Variants in UBTD2 observed in about 807,000 individuals in gnomAD.
UBTD2 encodes ubiquitin domain-containing protein 2.
A neutral mutation model predicts 19.8 loss-of-function variants in UBTD2; 9 were observed. That is an observed-to-expected ratio of 0.46 (90% CI 0.27 to 0.79). UBTD2 has a LOEUF of 0.79. Among genes scored for constraint, UBTD2 ranks in the 30% least tolerant of loss-of-function variants. UBTD2 has a pLI of 0.14. For synonymous variants in UBTD2, 98 were observed against 103.9 expected (o/e 0.94, Z 0.35); for missense variants, 250 against 300.4 (o/e 0.83, Z 1.24).
At chr5:172,279,758 G>A (rs1581237367) in intron 1 of UBTD2, among the ~76,000 whole-genome samples, 1 of 152,162 alleles carries the variant, frequency 6.6e-6, no homozygotes, top group East Asian at 1.9e-4. Flanking sequence ...CTTAGCAAAT[G>A]TCATGGCTAA....
intron 1 of UBTD2, among the ~76,000 whole-genome samples, chr5:172,268,979 G>A (rs1411307553): frequency 1.3e-5 from 2 of 152,054 alleles, no homozygotes; most frequent in African/African-American, 4.8e-5. Context: ...GGTTACGTAG[G>A]AGAACAGCTT....
intron 1 of UBTD2, among the ~76,000 whole-genome samples, chr5:172,246,876 G>A (rs751398780): frequency 1.1e-4 from 15 of 141,132 alleles, no homozygotes; most frequent in East Asian, 2.2e-4. Context: ...CCATTCTCCC[G>A]TCTCAGCCTC....
At chr5:172,215,948 C>G (rs1033549437) in intron 2 of UBTD2, among the ~76,000 whole-genome samples, 5 of 152,018 alleles carry the variant, frequency 3.3e-5, no homozygotes, top group African/African-American at 1.2e-4. Context: ...GGTATCACCT[C>G]AGGTCAGGAG....
chr5:172,272,820 C>T (rs1370402628), intron 1 of UBTD2, among the ~76,000 whole-genome samples: 1 of 152,180 alleles, frequency 6.6e-6, no homozygotes, highest in Non-Finnish European at 1.5e-5. Flanking sequence ...GTCGCTCACG[C>T]CTGTAATCCC....
intron 1 of UBTD2, among the ~76,000 whole-genome samples, chr5:172,273,364 G>A (rs910045251): frequency 6.6e-6 from 1 of 152,128 alleles, no homozygotes; most frequent in Non-Finnish European, 1.5e-5. Flanking sequence ...GCCAAGGCGG[G>A]TGGATCACCT....
Position 172,209,731 on chromosome 5 carries a change from A to G in UBTD2, c.*2099T>C, listed in dbSNP as rs867256406. 1 of 152,182 alleles carries G rather than the reference A, an allele frequency of 6.6e-6. No individual in the cohort carries two copies. Among genetic ancestry groups the G allele is most frequent in the Non-Finnish European group, 1.5e-5 (1 of 67,992 alleles). The allele number at this position is 152,182 out of a possible 1,614,324, so 9.4% of individuals were successfully genotyped here. A position where few individuals can be genotyped will look rare whatever the true frequency, so the allele number is the denominator to read the frequency against. On this transcript the variant is annotated 3_prime_UTR_variant, in exon 3 of 3. Coordinates refer to ENST00000393792, the MANE Select transcript of UBTD2 (RefSeq NM_152277.3). ...ACACATCAAGTACTGGTCCAATCTT[A>G]TATCAATCTATTTACAATTAAACAG...
chr5:172,256,096 G>GA (rs1215105217), intron 1 of UBTD2, among the ~76,000 whole-genome samples: 10 of 151,508 alleles, frequency 6.6e-5, no homozygotes. Flanking sequence ...TCTCAAAAGA[G>GA]AAAAGAGAGA....
At position 172,283,026 on chromosome 5, in the gene UBTD2, T is replaced by C. The variant is rs1755750779; in HGVS notation, c.70+570A>G. The stretch of plus-strand genomic sequence containing the variant: ...GGGAAGACCGTTTCCCCACCCCTCC[T>C]TAATACAATGCCTGCGGCCACTGGA... On this transcript the variant is annotated intron_variant, in intron 1 of 2. Coordinates refer to ENST00000393792, the MANE Select transcript of UBTD2 (RefSeq NM_152277.3). The surrounding 1 kb of genome is among the most constrained non-coding windows in gnomAD (Gnocchi z 4.3). Among the ~76,000 whole-genome samples, 1 of 152,032 alleles carries C rather than the reference T, an allele frequency of 6.6e-6. No homozygotes were observed. Among genetic ancestry groups the C allele is most frequent in the Non-Finnish European group, 1.5e-5 (1 of 68,010 alleles).
intron 1 of UBTD2, among the ~76,000 whole-genome samples, chr5:172,269,427 G>C (rs577293991): frequency 1.3e-5 from 2 of 150,376 alleles, no homozygotes; most frequent in South Asian, 2.1e-4. Context: ...GGAGGCGGAG[G>C]TTGCAGTGAG....
intron 1 of UBTD2, among the ~76,000 whole-genome samples, chr5:172,275,529 C>T (rs1755590432): frequency 6.6e-6 from 1 of 152,158 alleles, no homozygotes; most frequent in Non-Finnish European, 1.5e-5. Flanking sequence ...ATACTAAGTA[C>T]CTACTTACTA....
rs368471432 is a variant in UBTD2, at chr5:172,254,215, T to G, written c.71-19857A>C. On this transcript the variant is annotated intron_variant, in intron 1 of 2. Coordinates refer to ENST00000393792, the MANE Select transcript of UBTD2 (RefSeq NM_152277.3). ...CCCGGGTTCAAGGGATTCTCCTGCCTCAGCCTCCCAAGTAGCTGGGATTAC... is the reference window on the plus strand; with the variant it reads ...CCCGGGTTCAAGGGATTCTCCTGCCGCAGCCTCCCAAGTAGCTGGGATTAC... Among the ~76,000 whole-genome samples the G allele has an allele frequency of 2.6e-5, 4 of 152,280 alleles. No homozygotes were observed. In the East Asian group the frequency reaches 7.7e-4, roughly 29 times the overall value.
rs11949265 is a variant in UBTD2, at chr5:172,262,468, A to C, written c.70+21128T>G. On this transcript the variant is annotated intron_variant, in intron 1 of 2. Transcript: ENST00000393792. The stretch of plus-strand genomic sequence containing the variant: ...CACCAAAAAAAAAAAAAAAAAAAAA[A>C]CAAGAAAATGTATATGAAGATTCTT... 1.7e-4 allele frequency among the ~76,000 whole-genome samples: 25 copies of C among 143,186 alleles called. No homozygotes were observed. The South Asian group carries it at 5.0e-3, about 29-fold the overall frequency. The allele number at this position is 143,186 out of a possible 152,430, so 93.9% of individuals were successfully genotyped here. A position where few individuals can be genotyped will look rare whatever the true frequency, so the allele number is the denominator to read the frequency against.
intron 2 of UBTD2, among the ~76,000 whole-genome samples, chr5:172,227,550 T>C (rs901400551): frequency 2.0e-5 from 3 of 152,064 alleles, no homozygotes; most frequent in Non-Finnish European, 4.4e-5. Context: ...ACAAATTTTT[T>C]TTTTTTGTAT....
Position 172,223,586 on chromosome 5 carries a change from C to CAAAAAAAAAA in UBTD2, c.307+10526_307+10535dup, listed in dbSNP as rs577474758. 4.8e-4 allele frequency among the ~76,000 whole-genome samples: 16 copies of CAAAAAAAAAA among 33,128 alleles called. 2 individuals carry two copies. The highest frequency in any genetic ancestry group is 2.0e-3 in the African/African-American group (15 of 7,662). The allele number at this position is 33,128 out of a possible 152,430, so 21.7% of individuals were successfully genotyped here. A position where few individuals can be genotyped will look rare whatever the true frequency, so the allele number is the denominator to read the frequency against. On this transcript the variant is annotated intron_variant, in intron 2 of 2. Coordinates refer to ENST00000393792, the MANE Select transcript of UBTD2 (RefSeq NM_152277.3). ...TGCACTCCAGCCTGGGCGACGGAGT[C>CAAAAAAAAAA]AAAAAAAAAAAAAAAAAAAAAAAAA... is the stretch of plus-strand genomic sequence containing the variant.
chr5:172,277,835 TAA>T (rs1755637247), intron 1 of UBTD2, among the ~76,000 whole-genome samples: 1 of 111,668 alleles, frequency 9.0e-6, no homozygotes, highest in Non-Finnish European at 1.9e-5. Flanking sequence ...CCAGAATATA[TAA>T]AACTCTTACC....
intron 1 of UBTD2, among the ~76,000 whole-genome samples, chr5:172,234,850 GTGAGCCA>G: frequency 6.9e-6 from 1 of 144,474 alleles, no homozygotes; most frequent in Non-Finnish European, 1.5e-5. Flanking sequence ...TGTGTTTGCA[GTGAGCCA>G]TGATCATGCC....
chr5:172,264,784 G>A (rs1415803991), intron 1 of UBTD2, among the ~76,000 whole-genome samples: 1 of 151,984 alleles, frequency 6.6e-6, no homozygotes, highest in Non-Finnish European at 1.5e-5. Flanking sequence ...GCTGAGGTGA[G>A]AAGATGGCTT....
chr5:172,251,367 G>C (rs1344351414), intron 1 of UBTD2, among the ~76,000 whole-genome samples: 2 of 136,638 alleles, frequency 1.5e-5, no homozygotes, highest in African/African-American at 5.6e-5. Flanking sequence ...GTTCCTGTCA[G>C]AAATATAATC....
At chr5:172,221,065 T>C (rs192240558) in intron 2 of UBTD2, among the ~76,000 whole-genome samples, 1 of 152,312 alleles carries the variant, frequency 6.6e-6, no homozygotes, top group Admixed American at 6.5e-5. Flanking sequence ...ATGTATAAGA[T>C]ATGAAACAAC....
Sources: allele counts gnomAD v4.1 joint callset (sites outside exome capture counted in the v4.1 genomes callset), GRCh38; gene constraint gnomAD v4.1.1; non-coding constraint Gnocchi (gnomAD v3.1); transcripts MANE v1.5; gene names NCBI Gene and HGNC (gene_info 2026-07-23, HGNC 2026-07-21).